The following METAP2 variants were observed in gnomAD, a reference collection of about 807,000 sequenced individuals.
The protein encoded by METAP2 is methionine aminopeptidase 2.
In METAP2, 25 loss-of-function variants were observed where a neutral mutation model predicts 59.4. The observed-to-expected ratio is 0.42, with a 90% CI of 0.31 to 0.59. The LOEUF is 0.59. Ranked by LOEUF, METAP2 falls within the 20% of genes least tolerant of loss-of-function variation. METAP2 has a pLI of 0.16. For missense variants in METAP2, 366 were observed against 581.2 expected, an observed-to-expected ratio of 0.63 and a Z score of 3.81; for synonymous variants, 214 against 194.1, an observed-to-expected ratio of 1.10 and a Z score of -0.85.
At chr12:95,475,124 G>A (rs2076108739) in intron 1 of METAP2, among the ~76,000 whole-genome samples, 1 of 152,138 alleles carries the variant, frequency 6.6e-6, no homozygotes, top group South Asian at 2.1e-4. Flanking sequence ...TACATATTTT[G>A]AGAAGTCTGT....
At chr12:95,483,475 CAAA>C (rs141083015) in intron 3 of METAP2, 195 bp downstream of exon 3, 330 of 66,476 alleles carry the variant, frequency 5.0e-3, no homozygotes, top group South Asian at 0.012. Flanking sequence ...GACTCTGTCT[CAAA>C]AAAAAAAAAA....
intron 3 of METAP2, 184 bp from the exon 4 acceptor site, chr12:95,485,695 C>A: frequency 2.1e-6 from 1 of 479,164 alleles, no homozygotes; most frequent in Non-Finnish European, 3.6e-6. Flanking sequence ...TTCTTTTTCC[C>A]AAGCAGCAAT....
intron 4 of METAP2, among the ~76,000 whole-genome samples, chr12:95,488,881 T>TAC (rs10679214): frequency 0.2 from 30,376 of 150,580 alleles, 3,567 homozygotes; most frequent in African/African-American, 0.34. Context: ...CATATAGCCT[T>TAC]ACACACACAC....
rs776868292 is a variant in METAP2 at position 95,504,023 on chromosome 12, T to C, written c.868-42T>C. ...TACAAAATTAAGTTGCTATGAAAAT[T>C]TTGCACTTTGAATAATAAAGCATAT... On this transcript the variant is annotated intron_variant, in intron 7 of 10. Transcript: ENST00000323666. 1.4e-5 allele frequency: 21 copies of C among 1,466,110 alleles called. No individual in the cohort carries two copies. In the East Asian group the frequency reaches 4.3e-4, roughly 30 times the overall value. The allele number at this position is 1,466,110 out of a possible 1,614,324, so 90.8% of individuals were successfully genotyped here. A position where few individuals can be genotyped will look rare whatever the true frequency, so the allele number is the denominator to read the frequency against.
At chr12:95,474,777 A>C (rs1243794282) in intron 1 of METAP2, among the ~76,000 whole-genome samples, 2 of 152,098 alleles carry the variant, frequency 1.3e-5, no homozygotes, top group Non-Finnish European at 2.9e-5. Context: ...GGGGTGGGCA[A>C]ATGTAATGGA....
intron 3 of METAP2, among the ~76,000 whole-genome samples, chr12:95,484,448 TA>T (rs1426357614): frequency 1.3e-5 from 2 of 150,324 alleles, no homozygotes; most frequent in Non-Finnish European, 3.0e-5. Flanking sequence ...CTATAAGAAA[TA>T]GTGTTACCTG....
At chr12:95,511,306 C>T (rs1353791832) in intron 8 of METAP2, among the ~76,000 whole-genome samples, 2 of 150,350 alleles carry the variant, frequency 1.3e-5, no homozygotes, top group African/African-American at 4.9e-5. Context: ...TTGTTGTTAA[C>T]AGTACCTCCT....
intron 8 of METAP2, among the ~76,000 whole-genome samples, chr12:95,511,388 C>CGTT (rs2076400700): frequency 9.6e-6 from 1 of 104,426 alleles, no homozygotes; most frequent in African/African-American, 3.7e-5. Context: ...CTTCTAGCAC[C>CGTT]GTTTTTTTTT....
chr12:95,513,313 T>C (rs1268352478), intron 10 of METAP2, among the ~76,000 whole-genome samples: 1 of 152,208 alleles, frequency 6.6e-6, no homozygotes, highest in Non-Finnish European at 1.5e-5. Context: ...ACATCTTTTA[T>C]ATGCAGGTCT....
chr12:95,506,475 A>AT (rs1442958415), intron 8 of METAP2, among the ~76,000 whole-genome samples: 1 of 151,442 alleles, frequency 6.6e-6, no homozygotes, highest in African/African-American at 2.4e-5. Context: ...TTATTTTTGT[A>AT]TTTTTAGTAG....
rs1378693356 is a variant in METAP2, at chr12:95,476,093, A to G, written c.174A>G (p.Lys58=). 3 of 1,609,024 alleles carry G rather than the reference A, an allele frequency of 1.9e-6. No homozygotes were observed. The highest frequency in any genetic ancestry group is 2.2e-5 in the South Asian group (2 of 90,258). ...PSAAGEQEPD[K]ESGASVDEVA... ...CAGCAGGGGAACAGGAACCTGATAA[A>G]GAATCAGGAGCCTCAGTGGATGAAG... Residue 58 remains lysine (K), a synonymous_variant, in exon 2 of 11, where the codon AAA becomes AAG. Transcript: ENST00000323666.
chr12:95,501,922 G>A (rs1431750455), intron 7 of METAP2, among the ~76,000 whole-genome samples: 1 of 151,010 alleles, frequency 6.6e-6, no homozygotes, highest in Non-Finnish European at 1.5e-5. Flanking sequence ...TTGCAGGCCC[G>A]GTCTAGTAGT....
intron 2 of METAP2, among the ~76,000 whole-genome samples, chr12:95,476,771 GGTT>G (rs1451788215): frequency 2.0e-5 from 3 of 152,008 alleles, no homozygotes; most frequent in African/African-American, 7.3e-5. Flanking sequence ...AAGATTGAGG[GGTT>G]GTTTATTTAA....
intron 2 of METAP2, among the ~76,000 whole-genome samples, chr12:95,480,986 GT>G (rs1291484041): frequency 5.9e-5 from 9 of 152,168 alleles, no homozygotes; most frequent in Non-Finnish European, 1.3e-4. Flanking sequence ...TAGCTGTTAT[GT>G]TTAGGTCTAT....
chr12:95,479,387 C>T (rs1272596436), intron 2 of METAP2, among the ~76,000 whole-genome samples: 10 of 152,214 alleles, frequency 6.6e-5, no homozygotes, highest in African/African-American at 2.4e-4. Flanking sequence ...GTGCTGTTGA[C>T]TGAAATAGTG....
chr12:95,502,550 G>C (rs1052155907), intron 7 of METAP2, among the ~76,000 whole-genome samples: 4 of 151,872 alleles, frequency 2.6e-5, no homozygotes, highest in Non-Finnish European at 1.5e-5. Context: ...TTGTGTGTGT[G>C]TGTGGGGGGG....
intron 7 of METAP2, among the ~76,000 whole-genome samples, chr12:95,497,652 A>G (rs992115455): frequency 1.3e-5 from 2 of 152,154 alleles, no homozygotes; most frequent in Non-Finnish European, 2.9e-5. Flanking sequence ...TATCTTCTCT[A>G]CTACTTTCCA....
intron 7 of METAP2, among the ~76,000 whole-genome samples, chr12:95,498,806 T>C (rs1048361424): frequency 1.3e-5 from 2 of 152,052 alleles, no homozygotes; most frequent in Non-Finnish European, 2.9e-5. Context: ...TTGAGCTCAG[T>C]AGTTAAAGTC....
In METAP2 at chr12:95,513,792, A is replaced by T. The variant is rs1487823699; in HGVS notation, c.1325A>T (p.Asp442Val). ...AATCTGTGTGACTTGGGCATTGTAG[A>T]TCCATATCCACCATTATGTGACATT... ...LKNLCDLGIV[D>V]PYPPLCDIKG... Residue 442 changes from aspartate to valine, a missense_variant, in exon 11 of 11, where the codon GAT (aspartate) becomes GTT (valine). This residue lies in a region of METAP2 where 82 missense variants were observed against 156.2 expected (regional missense o/e 0.52). Coordinates refer to ENST00000323666, the MANE Select transcript of METAP2 (RefSeq NM_006838.4). 4.3e-6 allele frequency: 7 copies of T among 1,614,224 alleles called. No individual in the cohort carries two copies. Among genetic ancestry groups the T allele is most frequent in the Non-Finnish European group, 5.9e-6 (7 of 1,180,038 alleles).
Sources: gnomAD v4.1 joint callset for allele counts (sites outside exome capture counted in the v4.1 genomes callset) on GRCh38, gnomAD v4.1.1 for gene constraint, gnomAD v4.1.1 regional missense constraint, MANE v1.5 for transcripts, NCBI Gene and HGNC (gene_info 2026-07-23, HGNC 2026-07-21) for gene names.